SPICE1: variants seen among roughly 807,000 people sequenced by gnomAD.
SPICE1 encodes spindle and centriole associated protein 1, also known as spindle and centriole-associated protein 1.
In SPICE1, 75 loss-of-function variants were observed where a neutral mutation model predicts 102.7. The ratio of observed to expected loss-of-function variants is 0.73; its 90% CI spans 0.61 to 0.88. The LOEUF (loss-of-function observed/expected upper bound fraction) is 0.88, where lower values mean the gene tolerates loss of function less well. Among genes scored for constraint, SPICE1 ranks in the 40% least tolerant of loss-of-function variants. SPICE1 has a pLI of 0.00. For missense variants in SPICE1, 979 were observed against 1,020.1 expected, an observed-to-expected ratio of 0.96 and a Z score of 0.55; for synonymous variants, 308 against 350.3, an observed-to-expected ratio of 0.88 and a Z score of 1.35.
chr3:113,448,957 C>T (rs1027782204), intron 15 of SPICE1: 1 of 151,956 alleles, frequency 6.6e-6, no homozygotes, highest in Non-Finnish European at 1.5e-5. Context: ...CAGGAAAGAA[C>T]GCAGTTGCAA....
At chr3:113,448,223 C>T in intron 15 of SPICE1, 83 bp from the exon 16 acceptor site, 1 of 1,217,480 alleles carries the variant, frequency 8.2e-7, no homozygotes, top group Non-Finnish European at 1.1e-6. Flanking sequence ...CTGCAAACTG[C>T]ACATTAAAAA....
intron 11 of SPICE1, among the ~76,000 whole-genome samples, chr3:113,461,462 C>A (rs1388928901): frequency 5.3e-5 from 8 of 151,872 alleles, no homozygotes; most frequent in Admixed American, 3.9e-4. Context: ...TCCATTCTTA[C>A]ATGTAAAAGT....
chr3:113,450,562 G>A (rs1426086162), intron 14 of SPICE1, 46 bp from the exon 15 acceptor site: 4 of 1,497,546 alleles, frequency 2.7e-6, no homozygotes, highest in African/African-American at 1.4e-5. Context: ...ACTGAATACT[G>A]AAAAATCTCT....
At chr3:113,492,067 C>A (rs1324972361) in intron 6 of SPICE1, among the ~76,000 whole-genome samples, 2 of 152,142 alleles carry the variant, frequency 1.3e-5, no homozygotes, top group Non-Finnish European at 2.9e-5. Flanking sequence ...AAAGTAAAAT[C>A]TTCAGTTGAA....
At position 113,446,559 on chromosome 3, in the gene SPICE1, T is replaced by C. The variant is rs780643205; in HGVS notation, c.2514+30A>G. On this transcript the variant is annotated intron_variant, in intron 17 of 17. Coordinates refer to ENST00000295872, the MANE Select transcript of SPICE1 (RefSeq NM_144718.4). ...GCCACCTTCTACCCTCACCCCTATA[T>C]GCATTTCACAATTACATTTTAACGT... 5.2e-6 allele frequency: 8 copies of C among 1,539,116 alleles called. No homozygotes were observed. The African/African-American group carries it at 5.5e-5, about 10-fold the overall frequency.
At chr3:113,468,649 T>C (rs773457614) in intron 9 of SPICE1, 113 bp downstream of exon 9, 7 of 1,295,400 alleles carry the variant, frequency 5.4e-6, no homozygotes, top group Non-Finnish European at 7.4e-6. Flanking sequence ...CAATAAACTT[T>C]CAGTTGGAAC....
intron 14 of SPICE1, among the ~76,000 whole-genome samples, chr3:113,451,938 T>TA (rs1332762274): frequency 1.3e-5 from 2 of 152,198 alleles, no homozygotes; most frequent in East Asian, 3.9e-4. Flanking sequence ...CCACTGTTGT[T>TA]AAAGCCCTTA....
chr3:113,470,469 C>T (rs1252565893), intron 7 of SPICE1, among the ~76,000 whole-genome samples: 1 of 152,164 alleles, frequency 6.6e-6, no homozygotes, highest in East Asian at 1.9e-4. Flanking sequence ...ATGACATATG[C>T]AAGACACAAG....
chr3:113,453,386 A>G (rs1935702083), intron 14 of SPICE1, 80 bp downstream of exon 14: 1 of 1,505,222 alleles, frequency 6.6e-7, no homozygotes, highest in African/African-American at 1.4e-5. Context: ...ACTTCTGAAA[A>G]GAAGTTTCTT....
At chr3:113,473,661 C>A (rs1321035639) in intron 7 of SPICE1, among the ~76,000 whole-genome samples, 6 of 151,636 alleles carry the variant, frequency 4.0e-5, no homozygotes, top group Non-Finnish European at 8.8e-5. Context: ...AATTTTCAAC[C>A]CAGAATTTCA....
intron 7 of SPICE1, among the ~76,000 whole-genome samples, chr3:113,479,136 C>G (rs60874642): frequency 0.025 from 3,092 of 124,548 alleles, 53 homozygotes; most frequent in East Asian, 0.051. Flanking sequence ...ACCCCCCACC[C>G]CACAACAGTC....
At position 113,446,544 on chromosome 3, in the gene SPICE1, A is replaced by AC. The variant is rs539158904; in HGVS notation, c.2514+44dup. On this transcript the variant is annotated intron_variant, in intron 17 of 17. Transcript: ENST00000295872. ...GAAATCACTAAATCAGCCACCTTCT[A>AC]CCCTCACCCCTATATGCATTTCACA... 3.6e-4 allele frequency: 510 copies of AC among 1,409,122 alleles called. 4 individuals are homozygous for AC. In the South Asian group the frequency reaches 5.7e-3, roughly 16 times the overall value. 87.3% of individuals were successfully genotyped at this position (1,409,122 alleles called of 1,614,324 possible). A position where few individuals can be genotyped will look rare whatever the true frequency, so the allele number is the denominator to read the frequency against.
intron 10 of SPICE1, among the ~76,000 whole-genome samples, chr3:113,467,642 C>A (rs1434090887): frequency 6.6e-6 from 1 of 152,136 alleles, no homozygotes; most frequent in Non-Finnish European, 1.5e-5. Flanking sequence ...ATTTTTACAA[C>A]AATAAAACAT....
At chr3:113,474,939 G>C (rs1024871853) in intron 7 of SPICE1, among the ~76,000 whole-genome samples, 4 of 152,070 alleles carry the variant, frequency 2.6e-5, no homozygotes, top group Non-Finnish European at 5.9e-5. Flanking sequence ...AATCAGAGCA[G>C]AACCGAAGGA....
At chr3:113,469,477 A>G (rs879291167) in intron 7 of SPICE1, among the ~76,000 whole-genome samples, 62 of 146,786 alleles carry the variant, frequency 4.2e-4, no homozygotes, top group Non-Finnish European at 8.1e-4. Flanking sequence ...ACACATAATT[A>G]TAAAATATAT....
chr3:113,480,931 A>AGAAAGAAAGAAAGAAAGAAGGAAAGAAAG (rs61284128), intron 7 of SPICE1, among the ~76,000 whole-genome samples: 5 of 143,612 alleles, frequency 3.5e-5, no homozygotes, highest in African/African-American at 1.3e-4. Flanking sequence ...AAAGAAAGAA[A>AGAAAGAAAGAAAGAAAGAAGGAAAGAAAG]AAAGACCTCA....
chr3:113,470,120 T>G (rs535843785), intron 7 of SPICE1, among the ~76,000 whole-genome samples: 1 of 152,342 alleles, frequency 6.6e-6, no homozygotes, highest in South Asian at 2.1e-4. Context: ...CTGTCTCATT[T>G]GTCTATTTCT....
At chr3:113,465,813 C>G (rs1335631679) in intron 10 of SPICE1, 29 bp from the exon 11 acceptor site, 9 of 1,600,488 alleles carry the variant, frequency 5.6e-6, no homozygotes, top group Non-Finnish European at 5.1e-6. Flanking sequence ...TAAACTTCCA[C>G]CAATAGCATC....
intron 1 of SPICE1, among the ~76,000 whole-genome samples, chr3:113,509,086 T>A (rs1316654580): frequency 6.6e-6 from 1 of 152,086 alleles, no homozygotes; most frequent in African/African-American, 2.4e-5. Flanking sequence ...AGAGGGAGCA[T>A]ATAATGGAGA....
Sources: allele counts gnomAD v4.1 joint callset (sites outside exome capture counted in the v4.1 genomes callset), GRCh38; gene constraint gnomAD v4.1.1; transcripts MANE v1.5; gene names NCBI Gene and HGNC (gene_info 2026-07-23, HGNC 2026-07-21).